The following RRP12 variants were observed in gnomAD, a reference collection of about 807,000 sequenced individuals.
The protein encoded by RRP12 is RRP12-like protein.
RRP12 carries 78 observed loss-of-function variants against 157.3 expected under a neutral mutation model. The ratio of observed to expected loss-of-function variants is 0.50; its 90% confidence interval spans 0.41 to 0.60. The LOEUF (loss-of-function observed/expected upper bound fraction) is 0.60. Among genes scored for constraint, RRP12 ranks in the 20% least tolerant of loss-of-function variants. The probability of loss-of-function intolerance (pLI) is 0.00; values close to 1 mark genes in which losing one functional copy is unlikely to be tolerated. For synonymous variants in RRP12, 726 were observed against 670.9 expected, an observed-to-expected ratio of 1.08 and a Z score of -1.27; for missense variants, 1,521 against 1,679.9, an observed-to-expected ratio of 0.91 and a Z score of 1.65.
intron 31 of RRP12, among the ~76,000 whole-genome samples, chr10:97,360,101 T>C (rs1320345504): frequency 6.6e-6 from 1 of 152,148 alleles, no homozygotes; most frequent in Non-Finnish European, 1.5e-5. Context: ...GGCCCAGAGA[T>C]AGAAATAGAG....
intron 28 of RRP12, 97 bp downstream of exon 28, chr10:97,366,349 A>G: frequency 6.4e-7 from 1 of 1,560,266 alleles, no homozygotes; most frequent in Non-Finnish European, 8.7e-7. Flanking sequence ...AGCCCTGTCC[A>G]TGGGCCTGCC....
In RRP12 at chr10:97,379,380, G is replaced by A. The variant is rs1844399760; in HGVS notation, c.1711C>T (p.Pro571Ser). ...TCCTGAACATGGTCTCGGATGACAG[G>A]CAGCAGCCAGCTCCGTGGGAAATCC... ...TLDFPRSWLL[P>S]VIRDHVQETR... is the part of the protein sequence containing the mutation. Residue 571 changes from proline to serine, a missense_variant, in exon 15 of 34, where the codon CCT becomes TCT. By Grantham distance (74) the Pro-to-Ser change is moderately conservative (BLOSUM62 -1). Coordinates refer to ENST00000370992, the MANE Select transcript of RRP12 (RefSeq NM_015179.4). 2.5e-6 allele frequency: 4 copies of A among 1,614,130 alleles called. No individual in the cohort carries two copies. In the East Asian group the frequency reaches 6.7e-5, roughly 27 times the overall value.
Position 97,374,726 on chromosome 10 carries a change from C to G in RRP12, c.1799-832G>C, listed in dbSNP as rs181305157. Among the ~76,000 whole-genome samples, 1,131 of 141,238 alleles carry G rather than the reference C, an allele frequency of 8.0e-3. 15 individuals carry two copies. The highest frequency in any genetic ancestry group is 0.028 in the African/African-American group (1,051 of 37,408). 92.7% of individuals were successfully genotyped at this position (141,238 alleles called of 152,430 possible). A position where few individuals can be genotyped will look rare whatever the true frequency, so the allele number is the denominator to read the frequency against. ...GGTGGAGCTTGCAGTGAGCCGAGAT[C>G]GTGCTATTGCACAACAGCCTGGGTG... On this transcript the variant is annotated intron_variant, in intron 15 of 33. Transcript: ENST00000370992.
chr10:97,395,850 C>CA lies in RRP12; in HGVS notation c.453+367dup, dbSNP rs548342202. 4.0e-3 allele frequency among the ~76,000 whole-genome samples: 424 copies of CA among 105,312 alleles called. 2 individuals carry two copies. Among genetic ancestry groups the CA allele is most frequent in the East Asian group, 0.013 (44 of 3,396 alleles). The allele number at this position is 105,312 out of a possible 152,430, so 69.1% of individuals were successfully genotyped here. On this transcript the variant is annotated intron_variant, in intron 3 of 33. Coordinates refer to ENST00000370992, the MANE Select transcript of RRP12 (RefSeq NM_015179.4). ...TGGGCGACAGTGTGAGACTCCGCCT[C>CA]AAAAAAAAAAAAAAAAAAAGTAATA...
rs780347002 is a variant in RRP12, at chr10:97,388,597, A to T, written c.781T>A (p.Cys261Ser). The T allele has an allele frequency of 1.2e-6, 2 of 1,614,230 alleles. No individual in the cohort carries two copies. The highest frequency in any genetic ancestry group is 2.2e-5 in the South Asian group (2 of 91,086). ...AATTCACTGCCCTTGAGGACTGAGCATACTCCATGCTGGGCAGCCTTCCGG... is the reference window on the plus strand; with the variant it reads ...AATTCACTGCCCTTGAGGACTGAGCTTACTCCATGCTGGGCAGCCTTCCGG... ...KIRKAAQHGV[C>S]SVLKGSEFMF... is the part of the protein sequence containing the mutation. The change falls in exon 7 of 34, where the codon TGC (cysteine) becomes AGC (serine). Residue 261 changes from cysteine to serine, a missense_variant. Physicochemically the swap from Cys to Ser is moderately radical, Grantham distance 112. Coordinates refer to ENST00000370992, the MANE Select transcript of RRP12 (RefSeq NM_015179.4).
chr10:97,396,516 C>G (rs11189200), intron 2 of RRP12, among the ~76,000 whole-genome samples: 57,928 of 151,970 alleles, frequency 0.38, 11,506 homozygotes, highest in African/African-American at 0.49. Context: ...TACTAACCTT[C>G]TAGAAATACC....
At chr10:97,377,935 A>C (rs1377391107) in intron 15 of RRP12, among the ~76,000 whole-genome samples, 2 of 152,182 alleles carry the variant, frequency 1.3e-5, no homozygotes, top group Non-Finnish European at 2.9e-5. Context: ...CTACATCCTC[A>C]AAATCCACAA....
intron 2 of RRP12, among the ~76,000 whole-genome samples, chr10:97,396,728 G>A (rs372979032): frequency 2.3e-4 from 35 of 152,214 alleles, no homozygotes; most frequent in Middle Eastern, 6.8e-3. Context: ...ATAAAAAATG[G>A]TGTAGTATTT....
In RRP12 at chr10:97,357,007, CTTGAGCACCTGGAGCTGG is replaced by C; in HGVS notation, c.*69_*86del. The C allele has an allele frequency of 1.4e-6, 1 of 734,452 alleles. No homozygotes were observed. The highest frequency in any genetic ancestry group is 2.6e-5 in the East Asian group (1 of 38,112). 45.5% of individuals were successfully genotyped at this position (734,452 alleles called of 1,614,324 possible). A position where few individuals can be genotyped will look rare whatever the true frequency, so the allele number is the denominator to read the frequency against. The stretch of plus-strand genomic sequence containing the variant: ...TCCTGAGTCCAGGCTCTGCCAGAAT[CTTGAGCACCTGGAGCTGG>C]TGGCAAGGCAGCCTGGGGGCTGAAA... On this transcript the variant is annotated 3_prime_UTR_variant, in exon 34 of 34. Coordinates refer to ENST00000370992, the MANE Select transcript of RRP12 (RefSeq NM_015179.4).
At chr10:97,391,660 G>A (rs964442720) in intron 4 of RRP12, among the ~76,000 whole-genome samples, 2 of 152,194 alleles carry the variant, frequency 1.3e-5, no homozygotes, top group African/African-American at 4.8e-5. Context: ...AGTGGCTCAC[G>A]CCTGTAATCC....
intron 20 of RRP12, 49 bp downstream of exon 20, chr10:97,372,024 A>C (rs968444821): frequency 8.1e-6 from 11 of 1,349,858 alleles, no homozygotes; most frequent in Middle Eastern, 2.1e-4. Flanking sequence ...CCCACAGCCC[A>C]TCTGCCCCCA....
chr10:97,393,375 C>T, intron 4 of RRP12: 1 of 534,398 alleles, frequency 1.9e-6, no homozygotes, highest in East Asian at 4.3e-5. Flanking sequence ...TTAGATCTCA[C>T]AGCACGAGCT....
chr10:97,388,645 G>A (rs770898352), intron 6 of RRP12, 21 bp from the exon 7 acceptor site: 2 of 1,612,154 alleles, frequency 1.2e-6, no homozygotes, highest in African/African-American at 1.3e-5. Flanking sequence ...AGGAGAGCAG[G>A]AGACAAGGCC....
At position 97,373,129 on chromosome 10, in the gene RRP12, G is replaced by T. The variant is rs1380363832; in HGVS notation, c.2098C>A (p.Pro700Thr). 1 of 1,614,066 alleles carries T rather than the reference G, an allele frequency of 6.2e-7. No individual in the cohort carries two copies. Among genetic ancestry groups the T allele is most frequent in the Admixed American group, 1.7e-5 (1 of 60,006 alleles). ...GCTGGAGTGTCCCCGGCTGCCACGG[G>T]CTGCCCATACAGGTTGAAGAGGATC... The part of the protein sequence containing the change: ...LPILFNLYGQ[P>T]VAAGDTPAPR... The change falls in exon 18 of 34, where the codon CCC becomes ACC. Residue 700 changes from proline (P) to threonine (T), a missense_variant. Pro to Thr is a conservative substitution (Grantham distance 38). Coordinates refer to ENST00000370992, the MANE Select transcript of RRP12 (RefSeq NM_015179.4).
Position 97,358,591 on chromosome 10 carries a change from C to G in RRP12, c.3737G>C (p.Gly1246Ala). The G allele has an allele frequency of 6.2e-7, 1 of 1,614,020 alleles. No homozygotes were observed. Among genetic ancestry groups the G allele is most frequent in the Non-Finnish European group, 8.5e-7 (1 of 1,179,978 alleles). Residue 1246 changes from glycine to alanine, a missense_variant, in exon 33 of 34, where the codon GGC (glycine) becomes GCC (alanine). Coordinates refer to ENST00000370992, the MANE Select transcript of RRP12 (RefSeq NM_015179.4). ...KKAKGDVKKK[G>A]RPDPYAYIPL... Reference sequence around the variant, plus strand: ...GATGTAGGCATAGGGATCCGGCCGGCCTTTCTTCTTCACATCACCTTTTGC... The same window carrying G: ...GATGTAGGCATAGGGATCCGGCCGGGCTTTCTTCTTCACATCACCTTTTGC...
Position 97,379,293 on chromosome 10 carries a change from CT to C in RRP12, c.1797del (p.Ala600ProfsTer58), listed in dbSNP as rs1179135216. On this transcript the variant is annotated frameshift_variant and splice_region_variant, in exon 15 of 34. Coordinates refer to ENST00000370992, the MANE Select transcript of RRP12 (RefSeq NM_015179.4). LOFTEE classifies it high-confidence loss of function. ...ACACACAGGCAAGGGTCTCTCCTAC[CT>C]TTGCTCTTCAGGGTGTTAGCCAGGG... The part of the protein sequence containing the change: ...FLPLANTLKS[K>X]AMDLAQAGST... 1 of 1,613,732 alleles carries C rather than the reference CT, an allele frequency of 6.2e-7. No homozygotes were observed. Among genetic ancestry groups the C allele is most frequent in the Non-Finnish European group, 8.5e-7 (1 of 1,179,846 alleles).
chr10:97,372,456 T>A (rs985000505), intron 19 of RRP12, among the ~76,000 whole-genome samples: 3 of 152,154 alleles, frequency 2.0e-5, no homozygotes, highest in African/African-American at 7.2e-5. Context: ...AGAGGCAGAA[T>A]GGATAAGTAA....
intron 29 of RRP12, among the ~76,000 whole-genome samples, chr10:97,364,352 T>TAA (rs1441211931): frequency 6.6e-6 from 1 of 152,126 alleles, no homozygotes; most frequent in Non-Finnish European, 1.5e-5. Flanking sequence ...TGTGGGAATA[T>TAA]AAAGTATGAA....
chr10:97,378,225 C>T (rs1844363672), intron 15 of RRP12, among the ~76,000 whole-genome samples: 1 of 152,184 alleles, frequency 6.6e-6, no homozygotes, highest in Non-Finnish European at 1.5e-5. Flanking sequence ...GATCTACAGT[C>T]ATGCATCGCT....
Sources: gnomAD v4.1 joint callset for allele counts (sites outside exome capture counted in the v4.1 genomes callset) on GRCh38, gnomAD v4.1.1 for gene constraint, MANE v1.5 for transcripts, NCBI Gene and HGNC (gene_info 2026-07-23, HGNC 2026-07-21) for gene names.